SSBP3: variants seen among roughly 807,000 people sequenced by gnomAD.
SSBP3 encodes the protein single stranded DNA binding protein 3.
Under a neutral mutation model 69.6 loss-of-function variants are expected in SSBP3, and 5 were observed. The observed-to-expected ratio is 0.07, with a 90% confidence interval of 0.04 to 0.15. SSBP3 has a LOEUF of 0.15. Ranked by LOEUF, SSBP3 falls within the 10% of genes least tolerant of loss-of-function variation. SSBP3 has a pLI of 1.00. For synonymous variants in SSBP3, 196 were observed against 193.4 expected (o/e 1.01, Z -0.11); for missense variants, 312 against 534.0 (o/e 0.58, Z 4.10).
At chr1:54,407,778 A>G (rs1371476896), upstream of SSBP3, among the ~76,000 whole-genome samples, 1 of 71,372 alleles carries the variant, frequency 1.4e-5, no homozygotes, top group African/African-American at 5.5e-5. Context: ...TTTTTTTTTT[A>G]ACTGCGCTGT....
At chr1:54,343,033 C>T (rs1030180729) in intron 4 of SSBP3, among the ~76,000 whole-genome samples, 11 of 152,178 alleles carry the variant, frequency 7.2e-5, no homozygotes, top group Non-Finnish European at 1.6e-4. Flanking sequence ...TTTTCAGGAA[C>T]AGGATTTTAC....
upstream of SSBP3, among the ~76,000 whole-genome samples, chr1:54,408,171 G>C (rs1462117990): frequency 6.6e-6 from 1 of 152,172 alleles, no homozygotes. Flanking sequence ...CAGAAAAAAG[G>C]AACGCTGAGA....
intron 9 of SSBP3, among the ~76,000 whole-genome samples, chr1:54,250,460 G>A (rs140370966): frequency 1.3e-5 from 2 of 150,736 alleles, no homozygotes; most frequent in Admixed American, 6.6e-5. Context: ...TCTGTGGGGC[G>A]GATTCTGGGA....
upstream of SSBP3, among the ~76,000 whole-genome samples, chr1:54,409,386 C>T (rs1557602623): frequency 6.6e-6 from 1 of 152,134 alleles, no homozygotes. Context: ...GTCTGTCTCC[C>T]CCACCAGACT....
intron 4 of SSBP3, among the ~76,000 whole-genome samples, chr1:54,380,964 A>T (rs1647586794): frequency 6.6e-6 from 1 of 152,122 alleles, no homozygotes. Flanking sequence ...TACAAAAAAA[A>T]AAAATCTGAC....
chr1:54,273,760 A>G (rs1645236484), intron 5 of SSBP3, among the ~76,000 whole-genome samples: 1 of 152,236 alleles, frequency 6.6e-6, no homozygotes, highest in Non-Finnish European at 1.5e-5. Context: ...GGAATTTGGC[A>G]GCAGGGCTGG....
intron 6 of SSBP3, among the ~76,000 whole-genome samples, chr1:54,257,434 G>T (rs1303697058): frequency 6.6e-6 from 1 of 151,998 alleles, no homozygotes; most frequent in African/African-American, 2.4e-5. Context: ...GAAGGGCAGC[G>T]GCTGGGACTT....
At chr1:54,266,635 C>G (rs1326852728) in intron 5 of SSBP3, among the ~76,000 whole-genome samples, 4 of 152,178 alleles carry the variant, frequency 2.6e-5, no homozygotes, top group African/African-American at 9.7e-5. Flanking sequence ...TTGATTTTAA[C>G]CTCACATTTC....
At chr1:54,283,903 T>C (rs1028610752) in intron 4 of SSBP3, among the ~76,000 whole-genome samples, 3 of 152,196 alleles carry the variant, frequency 2.0e-5, no homozygotes, top group African/African-American at 7.2e-5. Context: ...GCTGCATTAC[T>C]GTTTTTCTGT....
At chr1:54,252,053 A>C (rs43902) in intron 7 of SSBP3, among the ~76,000 whole-genome samples, 193 bp from the exon 8 acceptor site, 89,874 of 151,954 alleles carry the variant, frequency 0.59, 27,178 homozygotes, top group South Asian at 0.73. Flanking sequence ...GGTGTTAGCT[A>C]TAACTGTGGC....
intron 4 of SSBP3, among the ~76,000 whole-genome samples, chr1:54,339,543 C>T (rs1264678621): frequency 1.3e-5 from 2 of 152,058 alleles, no homozygotes; most frequent in African/African-American, 2.4e-5. Flanking sequence ...AAAATACTAG[C>T]CTAGCCCTAG....
At chr1:54,357,814 A>G (rs1646892252) in intron 4 of SSBP3, among the ~76,000 whole-genome samples, 1 of 152,256 alleles carries the variant, frequency 6.6e-6, no homozygotes, top group Non-Finnish European at 1.5e-5. Context: ...CCCAGGGAGC[A>G]GGGATGATTT....
At chr1:54,311,754 G>A (rs1184009806) in intron 4 of SSBP3, among the ~76,000 whole-genome samples, 3 of 152,084 alleles carry the variant, frequency 2.0e-5, no homozygotes, top group Non-Finnish European at 4.4e-5. Flanking sequence ...TAAGGTTTTT[G>A]GCTGGAGAAT....
chr1:54,361,135 T>C (rs1261566650), intron 4 of SSBP3, among the ~76,000 whole-genome samples: 9 of 152,080 alleles, frequency 5.9e-5, no homozygotes, highest in Admixed American at 5.2e-4. Context: ...GCAGTTTGCA[T>C]AGAGAGTGAG....
intron 4 of SSBP3, among the ~76,000 whole-genome samples, chr1:54,389,322 T>C (rs145304003): frequency 1.1e-3 from 172 of 152,310 alleles, no homozygotes; most frequent in African/African-American, 3.9e-3. Flanking sequence ...AGTGAAGAGA[T>C]AGCAAACCTT....
intron 4 of SSBP3, among the ~76,000 whole-genome samples, chr1:54,308,028 C>G (rs1343189794): frequency 6.6e-6 from 1 of 152,238 alleles, no homozygotes; most frequent in African/African-American, 2.4e-5. Context: ...CAAGAACCCT[C>G]TCTTGGGGTC....
chr1:54,229,381 G>A (rs1419782714), intron 14 of SSBP3, among the ~76,000 whole-genome samples: 2 of 152,234 alleles, frequency 1.3e-5, no homozygotes, highest in African/African-American at 2.4e-5. Context: ...ACAAAAGGAA[G>A]AAATTAGAAA....
At chr1:54,397,260 G>C (rs1648959874) in intron 4 of SSBP3, among the ~76,000 whole-genome samples, 1 of 152,106 alleles carries the variant, frequency 6.6e-6, no homozygotes, top group African/African-American at 2.4e-5. Flanking sequence ...AGCCTGCACT[G>C]CCACCCTCTT....
chr1:54,361,565 C>T (rs1218421838), intron 4 of SSBP3, among the ~76,000 whole-genome samples: 2 of 152,120 alleles, frequency 1.3e-5, no homozygotes, highest in African/African-American at 2.4e-5. Flanking sequence ...TTCACAGAGC[C>T]TCTTGGATAA....
Sources: gnomAD v4.1 joint callset for allele counts (sites outside exome capture counted in the v4.1 genomes callset) on GRCh38, gnomAD v4.1.1 for gene constraint, MANE v1.5 for transcripts, NCBI Gene and HGNC (gene_info 2026-07-23, HGNC 2026-07-21) for gene names.